The following ACACA variants were observed in gnomAD, a reference collection of about 807,000 sequenced individuals.
The protein encoded by ACACA is acetyl-CoA carboxylase alpha, also known as acetyl-CoA carboxylase 1.
ACACA carries 103 observed loss-of-function variants against 296.1 expected under a neutral mutation model. That is an observed-to-expected ratio of 0.35 (90% confidence interval 0.30 to 0.41). ACACA has a LOEUF of 0.41. Ranked by LOEUF, ACACA falls within the 10% of genes least tolerant of loss-of-function variation. The pLI, the probability that ACACA is intolerant of heterozygous loss-of-function variation, is 1.00. For synonymous variants in ACACA, 953 were observed against 1,038.6 expected (o/e 0.92, Z 1.58); for missense variants, 1,554 against 2,989.7 (o/e 0.52, Z 11.20).
rs560376935 is a variant in ACACA at position 37,280,906 on chromosome 17, C to T, written c.610+2361G>A. On this transcript the variant is annotated intron_variant, in intron 5 of 55. Transcript: ENST00000616317. ...TACTATATCACATCTTGTAGCCATC[C>T]GTAATTTCTAGAAAACCACTTGTGT... Among the ~76,000 whole-genome samples the T allele has an allele frequency of 4.6e-5, 7 of 152,184 alleles. No homozygotes were observed. In the East Asian group the frequency reaches 9.7e-4, roughly 21 times the overall value.
chr17:37,107,732 G>A lies in ACACA; in HGVS notation c.6565+3799C>T, dbSNP rs373453757. ...CCCTAAGCGGCTCCTTTGCCCAGGTGCTCTTCATTTTGAGAGAGAGGGACA... is the reference window on the plus strand; with the variant it reads ...CCCTAAGCGGCTCCTTTGCCCAGGTACTCTTCATTTTGAGAGAGAGGGACA... On this transcript the variant is annotated intron_variant, in intron 52 of 55. Coordinates refer to ENST00000616317, the MANE Select transcript of ACACA (RefSeq NM_198834.3). Among the ~76,000 whole-genome samples, 275 of 152,370 alleles carry A rather than the reference G, an allele frequency of 1.8e-3. 9 individuals are homozygous for A. In the South Asian group the frequency reaches 0.055, roughly 31 times the overall value.
At chr17:37,327,709 C>A (rs1003409882) in intron 3 of ACACA, among the ~76,000 whole-genome samples, 5 of 152,226 alleles carry the variant, frequency 3.3e-5, no homozygotes, top group African/African-American at 9.6e-5. Flanking sequence ...TAGACTCAAA[C>A]TGGACAGATT....
At chr17:37,312,295 G>C (rs1415548806) in intron 3 of ACACA, among the ~76,000 whole-genome samples, 1 of 152,054 alleles carries the variant, frequency 6.6e-6, no homozygotes, top group African/African-American at 2.4e-5. Context: ...AAGCAAAGAG[G>C]GAAAAAACAC....
chr17:37,249,589 ATTTAC>A (rs1309059506), intron 16 of ACACA, among the ~76,000 whole-genome samples: 2 of 152,124 alleles, frequency 1.3e-5, no homozygotes, highest in African/African-American at 2.4e-5. Flanking sequence ...TTTTGATTTT[ATTTAC>A]TTAATGATTA....
chr17:37,201,769 A>G (rs1464838763), intron 33 of ACACA, among the ~76,000 whole-genome samples: 1 of 152,186 alleles, frequency 6.6e-6, no homozygotes, highest in Non-Finnish European at 1.5e-5. Flanking sequence ...ACCAAGAGAT[A>G]TGTTTATAGG....
chr17:37,265,861 A>T (rs1424111796), intron 10 of ACACA, among the ~76,000 whole-genome samples: 2 of 152,102 alleles, frequency 1.3e-5, no homozygotes, highest in African/African-American at 4.8e-5. Context: ...AATGACAGCT[A>T]TTTACAGCTG....
At chr17:37,094,915 G>C (rs76380691) in intron 54 of ACACA, among the ~76,000 whole-genome samples, 1 of 152,250 alleles carries the variant, frequency 6.6e-6, no homozygotes. Flanking sequence ...ACTGAGCTAC[G>C]GGGTGGGGGT....
At chr17:37,385,778 C>T (rs1262367012) in intron 1 of ACACA, among the ~76,000 whole-genome samples, 2 of 152,102 alleles carry the variant, frequency 1.3e-5, no homozygotes, top group African/African-American at 4.8e-5. Context: ...TCACTTTGAT[C>T]CTATGTTAGT....
At chr17:37,142,177 C>G (rs1174582341) in intron 45 of ACACA, among the ~76,000 whole-genome samples, 1 of 152,058 alleles carries the variant, frequency 6.6e-6, no homozygotes, top group African/African-American at 2.4e-5. Context: ...GCTGTAGGGT[C>G]TCCCAAATTC....
intron 25 of ACACA, among the ~76,000 whole-genome samples, chr17:37,232,752 C>T (rs2680399): frequency 0.35 from 52,848 of 151,786 alleles, 11,914 homozygotes; most frequent in African/African-American, 0.63. Flanking sequence ...GATCCTCTTA[C>T]GTTTACTGGG....
rs1312049911 is a variant in ACACA, at chr17:37,235,075, G to T, written c.3146C>A (p.Ala1049Asp). 1.2e-6 allele frequency: 2 copies of T among 1,613,350 alleles called. No individual in the cohort carries two copies. Among genetic ancestry groups the T allele is most frequent in the Middle Eastern group, 3.3e-4 (2 of 6,058 alleles). ...GTCACTTTTATTCTCTTCTCGGAGG[G>T]CGAATACACATTTGTCATAGTGACC... ...QNGHYDKCVFALREENKSDMN... is the reference protein window; with the variant it reads ...QNGHYDKCVFDLREENKSDMN... The change falls in exon 25 of 56, where the codon GCC (alanine) becomes GAC (aspartate). Residue 1049 changes from alanine (A) to aspartate (D), a missense_variant. Physicochemically the swap from Ala to Asp is moderately radical, Grantham distance 126. Coordinates refer to ENST00000616317, the MANE Select transcript of ACACA (RefSeq NM_198834.3).
intron 30 of ACACA, among the ~76,000 whole-genome samples, chr17:37,208,282 T>C (rs1022993592): frequency 9.2e-5 from 14 of 152,206 alleles, no homozygotes; most frequent in Non-Finnish European, 1.9e-4. Flanking sequence ...TAGGTATATA[T>C]ATGTATGTAA....
chr17:37,260,023 A>T (rs2081376279), intron 11 of ACACA, among the ~76,000 whole-genome samples: 1 of 151,132 alleles, frequency 6.6e-6, no homozygotes, highest in Non-Finnish European at 1.5e-5. Context: ...CTGAGATTAC[A>T]GGCATGCGCC....
At position 37,200,149 on chromosome 17, in the gene ACACA, C is replaced by T. The variant is rs757818935; in HGVS notation, c.4148G>A (p.Arg1383Gln). 66 of 1,603,872 alleles carry T rather than the reference C, an allele frequency of 4.1e-5. No individual in the cohort carries two copies. Among genetic ancestry groups the T allele is most frequent in the Non-Finnish European group, 5.0e-5 (58 of 1,170,986 alleles). Residue 1383 changes from arginine (R) to glutamine (Q), a missense_variant, in exon 35 of 56, where the codon CGG (arginine) becomes CAG (glutamine). Arg to Gln is a conservative substitution (Grantham distance 43, BLOSUM62 1). Around this residue, in one of 16 missense-constraint regions of ACACA, gnomAD observed 179 missense variants for 283.2 expected, o/e 0.63. Transcript: ENST00000616317. ...GTTCATTTTACTTACATGAAATCTC[C>T]GATCCACCTCATAGTTGACCTGCTT... ...FRKQVNYEVD[R>Q]RFHREFPKFF...
At chr17:37,262,781 G>C (rs572832374) in intron 11 of ACACA, among the ~76,000 whole-genome samples, 10 of 152,244 alleles carry the variant, frequency 6.6e-5, no homozygotes, top group African/African-American at 2.2e-4. Context: ...CCAGGTTGGA[G>C]TGCAGTAGCA....
chr17:37,112,966 G>A, intron 51 of ACACA, 122 bp downstream of exon 51: 1 of 1,208,354 alleles, frequency 8.3e-7, no homozygotes, highest in Non-Finnish European at 1.2e-6. Flanking sequence ...GAAGGAAAAA[G>A]CTTTGGTTTG....
At chr17:37,109,725 C>T (rs2073880479) in intron 52 of ACACA, among the ~76,000 whole-genome samples, 1 of 152,188 alleles carries the variant, frequency 6.6e-6, no homozygotes, top group Non-Finnish European at 1.5e-5. Context: ...AAGGTGGGAG[C>T]GACATCACTT....
At chr17:37,353,079 T>C (rs980780791) in intron 1 of ACACA, among the ~76,000 whole-genome samples, 2 of 152,140 alleles carry the variant, frequency 1.3e-5, no homozygotes, top group African/African-American at 4.8e-5. Context: ...CTTAGGTACT[T>C]TCCAGTACTA....
At chr17:37,309,554 C>T (rs551044888) in intron 3 of ACACA, among the ~76,000 whole-genome samples, 11 of 151,962 alleles carry the variant, frequency 7.2e-5, no homozygotes, top group African/African-American at 2.4e-4. Context: ...TGATCTGAAA[C>T]CTAAAGGATA....
Sources: allele counts gnomAD v4.1 joint callset (sites outside exome capture counted in the v4.1 genomes callset), GRCh38; gene constraint gnomAD v4.1.1; regional missense constraint gnomAD v4.1.1; transcripts MANE v1.5; gene names NCBI Gene and HGNC (gene_info 2026-07-23, HGNC 2026-07-21).